Variants in CSMD2 observed in about 807,000 individuals in gnomAD.
The protein encoded by CSMD2 is CUB and Sushi multiple domains 2.
CSMD2 carries 130 observed loss-of-function variants against 398.5 expected under a neutral mutation model. The observed-to-expected ratio is 0.33, with a 90% confidence interval of 0.28 to 0.38. CSMD2 has a LOEUF of 0.38. CSMD2 is among the 10% of genes least tolerant of loss of function. CSMD2 has a pLI of 1.00. For missense variants in CSMD2, 3,829 were observed against 4,764.9 expected, an observed-to-expected ratio of 0.80 and a Z score of 5.78; for synonymous variants, 1,828 against 1,908.5, an observed-to-expected ratio of 0.96 and a Z score of 1.10.
At chr1:34,016,425 T>G (rs1252072001) in intron 3 of CSMD2, among the ~76,000 whole-genome samples, 1 of 152,138 alleles carries the variant, frequency 6.6e-6, no homozygotes, top group African/African-American at 2.4e-5. Context: ...GTTCCTCTGT[T>G]AGTTTGCTGA....
intron 12 of CSMD2, among the ~76,000 whole-genome samples, chr1:33,784,192 G>A (rs1653210628): frequency 6.6e-6 from 1 of 152,214 alleles, no homozygotes; most frequent in South Asian, 2.1e-4. Flanking sequence ...AGAATAAGAG[G>A]ACTGAAGGCT....
chr1:33,937,845 C>T (rs1393232457), intron 3 of CSMD2, among the ~76,000 whole-genome samples: 1 of 152,212 alleles, frequency 6.6e-6, no homozygotes, highest in Non-Finnish European at 1.5e-5. Context: ...GCACAACGCC[C>T]AGAACATAGT....
At position 33,663,045 on chromosome 1, in the gene CSMD2, C is replaced by T. The variant is rs772219815; in HGVS notation, c.4100G>A (p.Arg1367His). 20 of 1,614,020 alleles carry T rather than the reference C, an allele frequency of 1.2e-5. No individual in the cohort carries two copies. Among genetic ancestry groups the T allele is most frequent in the African/African-American group, 8.0e-5 (6 of 74,924 alleles). The change falls in exon 26 of 71, where the codon CGC becomes CAC. Residue 1367 changes from arginine (R) to histidine (H), a missense_variant. Around this residue, in one of 5 missense-constraint regions of CSMD2, gnomAD observed 2,001 missense variants for 2,567.1 expected, o/e 0.78. Transcript: ENST00000373381. Reference protein sequence around the residue: ...FDTEEVHDVLRIWDGPVESGV... With the variant: ...FDTEEVHDVLHIWDGPVESGV... ...GCTCTCCACAGGCCCATCCCAGATG[C>T]GCAGCACGTCGTGAACCTCCTCTGT...
intron 25 of CSMD2, among the ~76,000 whole-genome samples, chr1:33,674,005 A>G (rs1436452638): frequency 2.6e-5 from 4 of 152,246 alleles, no homozygotes; most frequent in Non-Finnish European, 1.5e-5. Flanking sequence ...GCTGCAAAAC[A>G]TGCCAAATTG....
chr1:34,036,560 G>A (rs12062460), intron 2 of CSMD2, among the ~76,000 whole-genome samples: 28,175 of 152,140 alleles, frequency 0.19, 2,911 homozygotes, highest in Middle Eastern at 0.28. Flanking sequence ...GGTAGTATGA[G>A]GAGATCTTTG....
At chr1:33,690,341 T>C (rs1645195527) in intron 25 of CSMD2, among the ~76,000 whole-genome samples, 1 of 152,070 alleles carries the variant, frequency 6.6e-6, no homozygotes, top group Non-Finnish European at 1.5e-5. Context: ...CTCCTCTCCT[T>C]CCTTCAGGAC....
intron 4 of CSMD2, among the ~76,000 whole-genome samples, chr1:33,927,995 G>T (rs755812028): frequency 2.6e-5 from 4 of 152,220 alleles, no homozygotes; most frequent in African/African-American, 7.2e-5. Context: ...AGGGGAAACC[G>T]CAAGAGACTG....
chr1:34,142,260 A>G (rs1639368928), intron 1 of CSMD2, among the ~76,000 whole-genome samples: 1 of 152,040 alleles, frequency 6.6e-6, no homozygotes, highest in Admixed American at 6.6e-5. Flanking sequence ...ACATCTAATA[A>G]CTACGAGCAA....
In CSMD2 at chr1:33,524,554, T is replaced by C. The variant is rs1245462164; in HGVS notation, c.10396+328A>G. 1.3e-5 allele frequency among the ~76,000 whole-genome samples: 2 copies of C among 152,228 alleles called. 1 individual carries two copies. The highest frequency in any genetic ancestry group is 4.1e-4 in the South Asian group (2 of 4,826). On this transcript the variant is annotated intron_variant, in intron 66 of 70. Coordinates refer to ENST00000373381, the MANE Select transcript of CSMD2 (RefSeq NM_001281956.2). ...TTTTTTTTTGATGATTGCTGAAAAA[T>C]ATTTTTTCTTTTGTTTGTTGACTGA...
intron 5 of CSMD2, among the ~76,000 whole-genome samples, chr1:33,849,276 G>A (rs1558000094): frequency 1.3e-5 from 2 of 152,164 alleles, no homozygotes; most frequent in African/African-American, 2.4e-5. Flanking sequence ...CATCACATCA[G>A]ACTCTGCCAT....
At chr1:34,146,140 T>C (rs1454210829) in intron 1 of CSMD2, among the ~76,000 whole-genome samples, 1 of 152,046 alleles carries the variant, frequency 6.6e-6, no homozygotes, top group Non-Finnish European at 1.5e-5. Context: ...CTCAAGTGAA[T>C]CTCCCACCTC....
intron 1 of CSMD2, among the ~76,000 whole-genome samples, chr1:34,141,564 A>G (rs1639299022): frequency 1.3e-5 from 2 of 152,112 alleles, no homozygotes; most frequent in South Asian, 4.1e-4. Flanking sequence ...CCCCAAATCT[A>G]TTTGCATGCA....
intron 25 of CSMD2, among the ~76,000 whole-genome samples, chr1:33,677,136 T>C (rs1644741604): frequency 6.6e-6 from 1 of 152,186 alleles, no homozygotes; most frequent in Admixed American, 6.5e-5. Context: ...AAAGAGCTTC[T>C]GCACAGCAAA....
chr1:33,624,708 T>A lies in CSMD2; in HGVS notation c.5501-65A>T. ...CCCGTGGGAGCCTTCCCAAGCTGAC[T>A]CCTCCCTCATGGCCCCCAGCCTCTG... On this transcript the variant is annotated intron_variant, in intron 34 of 70. Coordinates refer to ENST00000373381, the MANE Select transcript of CSMD2 (RefSeq NM_001281956.2). This position sits in a 1 kb window ranked among gnomAD's most constrained non-coding sequence, Gnocchi z 4.7. The A allele has an allele frequency of 6.4e-7, 1 of 1,567,738 alleles. No homozygotes were observed. Among genetic ancestry groups the A allele is most frequent in the South Asian group, 1.2e-5 (1 of 86,402 alleles).
intron 1 of CSMD2, among the ~76,000 whole-genome samples, chr1:34,094,444 A>G (rs1270343275): frequency 6.6e-6 from 1 of 152,242 alleles, no homozygotes; most frequent in East Asian, 1.9e-4. Context: ...AAATGCTCCA[A>G]TTAAAAGACA....
chr1:33,648,472 C>G (rs989852965), intron 28 of CSMD2, among the ~76,000 whole-genome samples: 5 of 151,598 alleles, frequency 3.3e-5, no homozygotes, highest in Non-Finnish European at 5.9e-5. Context: ...TTTACCAGTA[C>G]AATCCGGAAG....
chr1:34,020,785 GGTT>G (rs1408704929), intron 3 of CSMD2, among the ~76,000 whole-genome samples: 2 of 152,064 alleles, frequency 1.3e-5, no homozygotes, highest in East Asian at 3.9e-4. Context: ...GTTATGTGTC[GGTT>G]GTTGTCTATA....
In CSMD2 at chr1:33,540,592, G is replaced by C. The variant is rs1656235369; in HGVS notation, c.9564C>G (p.Leu3188=). 1 of 1,614,194 alleles carries C rather than the reference G, an allele frequency of 6.2e-7. No individual in the cohort carries two copies. The highest frequency in any genetic ancestry group is 8.5e-7 in the Non-Finnish European group (1 of 1,180,032). ...VTYACLEGYQ[L]SLPAVFTCEG... ...CACAGGTGAACACCGCGGGCAGGGA[G>C]AGCTGGTACCCCTCCAGGCAGGCAT... The change falls in exon 60 of 71, where the codon CTC becomes CTG. Residue 3188 remains leucine (L), a synonymous_variant. Transcript: ENST00000373381.
At chr1:33,989,266 G>T (rs985561492) in intron 3 of CSMD2, among the ~76,000 whole-genome samples, 1 of 151,670 alleles carries the variant, frequency 6.6e-6, no homozygotes, top group African/African-American at 2.4e-5. Context: ...TCAGGGAAAT[G>T]AAAATTAAAA....
Sources: allele counts gnomAD v4.1 joint callset (sites outside exome capture counted in the v4.1 genomes callset), GRCh38; gene constraint gnomAD v4.1.1; regional missense constraint gnomAD v4.1.1; non-coding constraint Gnocchi (gnomAD v3.1); transcripts MANE v1.5; gene names NCBI Gene and HGNC (gene_info 2026-07-23, HGNC 2026-07-21).